The following RGS7 variants were observed in gnomAD, a reference collection of about 807,000 sequenced individuals.
RGS7 encodes regulator of G protein signaling 7, also known as regulator of G-protein signaling 7.
RGS7 carries 27 observed loss-of-function variants against 81.1 expected under a neutral mutation model. That is an observed-to-expected ratio of 0.33 (90% CI 0.25 to 0.46). The LOEUF is 0.46. RGS7 is among the 20% of genes least tolerant of loss of function. RGS7 has a pLI of 1.00. For missense variants in RGS7, 396 were observed against 607.4 expected, an observed-to-expected ratio of 0.65 and a Z score of 3.66; for synonymous variants, 208 against 207.7, an observed-to-expected ratio of 1.00 and a Z score of -0.01.
At position 241,144,529 on chromosome 1, in the gene RGS7, G is replaced by C. The variant is rs1265675770; in HGVS notation, c.79-45767C>G. Among the ~76,000 whole-genome samples the C allele has an allele frequency of 6.6e-6, 1 of 152,152 alleles. No homozygotes were observed. The highest frequency in any genetic ancestry group is 1.5e-5 in the Non-Finnish European group (1 of 68,034). ...ATGCAACGTTTCACTGAGCAGCATG[G>C]AGGCAGGGTGTTAACCTGCTGTGTG... On this transcript the variant is annotated intron_variant, in intron 2 of 18. Transcript: ENST00000440928. This position sits in a 1 kb window ranked among gnomAD's most constrained non-coding sequence, Gnocchi z 4.7.
At chr1:241,006,168 GA>G (rs2058681024) in intron 3 of RGS7, among the ~76,000 whole-genome samples, 1 of 152,088 alleles carries the variant, frequency 6.6e-6, no homozygotes, top group South Asian at 2.1e-4. Context: ...TTCTCAATCT[GA>G]TTTTTAAGTG....
At chr1:240,894,062 T>C (rs1668661303) in intron 6 of RGS7, among the ~76,000 whole-genome samples, 1 of 152,200 alleles carries the variant, frequency 6.6e-6, no homozygotes, top group Admixed American at 6.5e-5. Flanking sequence ...ATTTAAATAA[T>C]ATCATATCTG....
chr1:241,306,151 C>T (rs1392468887), intron 2 of RGS7, among the ~76,000 whole-genome samples: 6 of 149,732 alleles, frequency 4.0e-5, no homozygotes, highest in East Asian at 1.9e-4. Context: ...CACACACACT[C>T]ACACACGTCC....
At chr1:240,920,066 T>C (rs2148295696) in intron 6 of RGS7, 4 of 976,758 alleles carry the variant, frequency 4.1e-6, no homozygotes, top group Non-Finnish European at 6.5e-6. Context: ...TCATGACTGA[T>C]TGAGGCAATG....
At chr1:241,083,572 G>A (rs2063271606) in intron 3 of RGS7, among the ~76,000 whole-genome samples, 1 of 152,170 alleles carries the variant, frequency 6.6e-6, no homozygotes, top group Non-Finnish European at 1.5e-5. Context: ...TGAAGAAGAT[G>A]AAAAAGAAAG....
chr1:240,997,507 T>C (rs1687474634), intron 3 of RGS7, among the ~76,000 whole-genome samples: 1 of 152,182 alleles, frequency 6.6e-6, no homozygotes, highest in Non-Finnish European at 1.5e-5. Context: ...TTACATTTTT[T>C]TCTTCAACAA....
intron 18 of RGS7, among the ~76,000 whole-genome samples, chr1:240,787,184 A>T (rs1186736136): frequency 6.6e-6 from 1 of 152,114 alleles, no homozygotes; most frequent in Admixed American, 6.6e-5. Flanking sequence ...TAATAACAAT[A>T]GGTTTTCTTT....
At chr1:241,056,395 A>T (rs966489061) in intron 3 of RGS7, among the ~76,000 whole-genome samples, 1 of 151,988 alleles carries the variant, frequency 6.6e-6, no homozygotes, top group Non-Finnish European at 1.5e-5. Flanking sequence ...ATCTCATCTC[A>T]TTCATTTACG....
At chr1:241,179,720 C>A (rs1261506664) in intron 2 of RGS7, among the ~76,000 whole-genome samples, 1 of 152,176 alleles carries the variant, frequency 6.6e-6, no homozygotes, top group Non-Finnish European at 1.5e-5. Flanking sequence ...TAGTCCAATT[C>A]TCCACAAAAT....
intron 2 of RGS7, among the ~76,000 whole-genome samples, chr1:241,273,743 C>T (rs767057356): frequency 5.9e-5 from 9 of 152,154 alleles, no homozygotes; most frequent in Non-Finnish European, 1.2e-4. Flanking sequence ...TTCCTCTCTC[C>T]TGCTCTACCC....
At chr1:241,274,421 A>G (rs146162577) in intron 2 of RGS7, among the ~76,000 whole-genome samples, 10 of 152,352 alleles carry the variant, frequency 6.6e-5, no homozygotes, top group African/African-American at 1.4e-4. Context: ...GATTATACAA[A>G]TAAAAGAATT....
intron 2 of RGS7, among the ~76,000 whole-genome samples, chr1:241,230,556 GC>G (rs2075599214): frequency 6.6e-6 from 1 of 152,230 alleles, no homozygotes; most frequent in African/African-American, 2.4e-5. Flanking sequence ...TGCTGGGTAT[GC>G]CATGGGGCCC....
At chr1:241,224,150 GT>G (rs1376342244) in intron 2 of RGS7, among the ~76,000 whole-genome samples, 3 of 151,688 alleles carry the variant, frequency 2.0e-5, no homozygotes, top group Non-Finnish European at 4.4e-5. Context: ...AGAACATGCA[GT>G]TTTGTTACAT....
chr1:241,160,935 A>G (rs73129666), intron 2 of RGS7, among the ~76,000 whole-genome samples: 2,040 of 152,214 alleles, frequency 0.013, 31 homozygotes, highest in African/African-American at 0.046. Flanking sequence ...CAGAAGGAGT[A>G]TGGTGGATAA....
Position 241,030,493 on chromosome 1 carries a change from TACACACACAC to T in RGS7, c.176-47374_176-47365del, listed in dbSNP as rs10649050. ...TATATGCATGGTATGTATATAGATGTACACACACACACACACACACACACACACACATCCT... is the reference window on the plus strand; with the variant it reads ...TATATGCATGGTATGTATATAGATGTACACACACACACACACACACATCCT... On this transcript the variant is annotated intron_variant, in intron 3 of 18. Transcript: ENST00000440928. 7.1e-3 allele frequency among the ~76,000 whole-genome samples: 1,001 copies of T among 140,520 alleles called. 15 individuals carry two copies. The highest frequency in any genetic ancestry group is 0.025 in the African/African-American group (945 of 37,952). The allele number at this position is 140,520 out of a possible 152,430, so 92.2% of individuals were successfully genotyped here. A position where few individuals can be genotyped will look rare whatever the true frequency, so the allele number is the denominator to read the frequency against.
At chr1:241,098,074 A>G (rs1484200870) in intron 3 of RGS7, among the ~76,000 whole-genome samples, 1 of 152,178 alleles carries the variant, frequency 6.6e-6, no homozygotes, top group African/African-American at 2.4e-5. Flanking sequence ...ATTTATCCCG[A>G]GCACTTTCAT....
At chr1:241,317,177 T>C (rs1357115239) in intron 2 of RGS7, among the ~76,000 whole-genome samples, 1 of 152,238 alleles carries the variant, frequency 6.6e-6, no homozygotes, top group Admixed American at 6.5e-5. Flanking sequence ...GCAGTTTATT[T>C]ACAAGATGTA....
chr1:240,932,534 G>A (rs1353425042), intron 5 of RGS7, among the ~76,000 whole-genome samples: 7 of 22,242 alleles, frequency 3.1e-4, no homozygotes, highest in South Asian at 1.0e-3. Flanking sequence ...TTTGAGACAG[G>A]GTCTCACTCT....
chr1:241,110,281 T>G (rs2065425786), intron 2 of RGS7, among the ~76,000 whole-genome samples: 1 of 152,174 alleles, frequency 6.6e-6, no homozygotes, highest in African/African-American at 2.4e-5. Context: ...ATCGGCCCCC[T>G]TTCAGATGGA....
Sources: gnomAD v4.1 joint callset for allele counts (sites outside exome capture counted in the v4.1 genomes callset) on GRCh38, gnomAD v4.1.1 for gene constraint, Gnocchi (gnomAD v3.1) non-coding constraint, MANE v1.5 for transcripts, NCBI Gene and HGNC (gene_info 2026-07-23, HGNC 2026-07-21) for gene names.